CFAP47: variants seen among roughly 807,000 people sequenced by gnomAD.
The protein encoded by CFAP47 is cilia and flagella associated protein 47, also known as cilia- and flagella-associated protein 47.
A neutral mutation model predicts 148.1 loss-of-function variants in CFAP47; 29 were observed. The observed-to-expected ratio is 0.20, with a 90% CI of 0.15 to 0.27. The LOEUF is 0.27. CFAP47 is among the 10% of genes least tolerant of loss of function. The pLI is 1.00. For synonymous variants in CFAP47, 664 were observed against 577.3 expected (o/e 1.15, Z -2.15); for missense variants, 1,872 against 1,697.5 (o/e 1.10, Z -1.81).
chrX:36,154,400 T>C (rs1265738542), intron 37 of CFAP47, among the ~76,000 whole-genome samples: 1 of 112,292 alleles, frequency 8.9e-6, no homozygotes, highest in Non-Finnish European at 1.9e-5. Flanking sequence ...TGTTGTCTAG[T>C]AACTTGCTCC....
intron 62 of CFAP47, among the ~76,000 whole-genome samples, chrX:36,377,661 T>A (rs1942036805): frequency 8.9e-6 from 1 of 111,828 alleles, no homozygotes; most frequent in African/African-American, 3.3e-5. Context: ...GTCTGGGAGT[T>A]CCTGTTCTGC....
At chrX:36,112,517 C>T (rs1601986123) in intron 33 of CFAP47, among the ~76,000 whole-genome samples, 1 of 111,275 alleles carries the variant, frequency 9.0e-6, no homozygotes, top group Admixed American at 9.6e-5. Flanking sequence ...TGTTTTGTGT[C>T]CAATTATGTG....
At chrX:35,921,476 A>G (rs1935576319) in intron 1 of CFAP47, among the ~76,000 whole-genome samples, 1 of 112,107 alleles carries the variant, frequency 8.9e-6, no homozygotes, top group African/African-American at 3.2e-5. Flanking sequence ...CTTTTGAAAC[A>G]AGCTGGTGGT....
At chrX:35,924,224 T>C (rs780463610) in intron 1 of CFAP47, among the ~76,000 whole-genome samples, 9 of 102,776 alleles carry the variant, frequency 8.8e-5, no homozygotes, top group East Asian at 3.0e-4. Flanking sequence ...TGCATGTATG[T>C]GTATATATGG....
intron 1 of CFAP47, among the ~76,000 whole-genome samples, chrX:35,923,524 A>C (rs1296097768): frequency 9.0e-6 from 1 of 111,447 alleles, no homozygotes; most frequent in East Asian, 2.8e-4. Context: ...AAAGCATATA[A>C]AATATACATA....
chrX:36,077,228 A>G (rs1162587073), intron 29 of CFAP47, among the ~76,000 whole-genome samples: 1 of 31,031 alleles, frequency 3.2e-5, no homozygotes, highest in Non-Finnish European at 5.5e-5. Context: ...TTTTTTGCTC[A>G]GGAGTCATTC....
intron 56 of CFAP47, among the ~76,000 whole-genome samples, chrX:36,316,496 A>G (rs1317340274): frequency 8.9e-6 from 1 of 111,976 alleles, no homozygotes; most frequent in Non-Finnish European, 1.9e-5. Context: ...TATCAGGAAG[A>G]ATGGTTGCCT....
At chrX:36,367,477 C>T (rs1556020573) in intron 62 of CFAP47, among the ~76,000 whole-genome samples, 1 of 111,416 alleles carries the variant, frequency 9.0e-6, no homozygotes, top group Non-Finnish European at 1.9e-5. Flanking sequence ...TTGGGTAAAC[C>T]CACGTTGATT....
At chrX:36,256,852 A>G (rs62590737) in intron 49 of CFAP47, among the ~76,000 whole-genome samples, 16,269 of 111,075 alleles carry the variant, frequency 0.15, 920 homozygotes, top group East Asian at 0.26. Context: ...ACTACTGAGT[A>G]GCACATATTC....
chrX:36,197,998 G>C (rs1376053472), intron 42 of CFAP47, among the ~76,000 whole-genome samples: 1 of 111,439 alleles, frequency 9.0e-6, no homozygotes. Flanking sequence ...TTGTTATCTA[G>C]ATTTGTAATA....
At chrX:36,168,623 C>T (rs1396213082) in intron 39 of CFAP47, among the ~76,000 whole-genome samples, 1 of 110,827 alleles carries the variant, frequency 9.0e-6, no homozygotes, top group African/African-American at 3.3e-5. Flanking sequence ...AACAGGGTCT[C>T]GCTATATTGC....
intron 42 of CFAP47, 71 bp downstream of exon 42, chrX:36,190,267 C>G (rs188297628): frequency 3.4e-6 from 1 of 291,917 alleles, no homozygotes; most frequent in Non-Finnish European, 6.0e-6. Flanking sequence ...CAGCAGGTGA[C>G]TTGAAGGCAA....
chrX:35,990,412 A>G (rs1358198448), intron 16 of CFAP47, among the ~76,000 whole-genome samples: 1 of 111,134 alleles, frequency 9.0e-6, no homozygotes, highest in African/African-American at 3.3e-5. Flanking sequence ...GATGATACCA[A>G]CATTTCCAAA....
chrX:36,055,143 T>C (rs1937545303), intron 26 of CFAP47, among the ~76,000 whole-genome samples: 1 of 109,564 alleles, frequency 9.1e-6, no homozygotes, highest in Non-Finnish European at 1.9e-5. Context: ...ACATGGTCAG[T>C]TTATTTATTT....
rs1052407488 is a variant in CFAP47 at position 36,018,473 on chromosome X, T to C, written c.3556+3561T>C. ...AAGGCTTTCAGTTTGATACTATCTG[T>C]GGGTCTGTCATGTATGACTTTTATT... is the stretch of plus-strand genomic sequence containing the variant. On this transcript the variant is annotated intron_variant, in intron 22 of 63. Transcript: ENST00000378653. Among the ~76,000 whole-genome samples, 5 of 112,012 alleles carry C rather than the reference T, an allele frequency of 4.5e-5. No individual in the cohort carries two copies. In the Admixed American group the frequency reaches 4.7e-4, roughly 11 times the overall value.
At chrX:36,379,567 CACTA>C in intron 63 of CFAP47, 49 bp downstream of exon 63, 7 of 961,013 alleles carry the variant, frequency 7.3e-6, no homozygotes, top group Non-Finnish European at 1.0e-5. Context: ...CAACTAAAGA[CACTA>C]AATAAACTAG....
chrX:36,167,646 C>G (rs948100286), intron 39 of CFAP47, among the ~76,000 whole-genome samples: 2 of 110,976 alleles, frequency 1.8e-5, no homozygotes, highest in Non-Finnish European at 3.8e-5. Context: ...TGTTGGTATC[C>G]CATGCCTCCC....
chrX:36,374,448 T>C (rs1942002703), intron 62 of CFAP47, among the ~76,000 whole-genome samples: 1 of 111,179 alleles, frequency 9.0e-6, no homozygotes, highest in African/African-American at 3.3e-5. Context: ...TTAATCTCAC[T>C]CATGGTTTGT....
At chrX:36,293,916 G>A (rs896396505) in intron 51 of CFAP47, among the ~76,000 whole-genome samples, 3 of 111,459 alleles carry the variant, frequency 2.7e-5, no homozygotes, top group South Asian at 3.9e-4. Context: ...ACCACAGAGG[G>A]AGGGAAGGTG....
Sources: allele counts gnomAD v4.1 joint callset (sites outside exome capture counted in the v4.1 genomes callset), GRCh38; gene constraint gnomAD v4.1.1; transcripts MANE v1.5; gene names NCBI Gene and HGNC (gene_info 2026-07-23, HGNC 2026-07-21).